The following SERTM2 variants were observed in gnomAD, a reference collection of about 807,000 sequenced individuals.
SERTM2 encodes the protein serine-rich and transmembrane domain-containing protein 2.
Position 111,511,844 on chromosome X carries a change from A to G in SERTM2, c.-881+10A>G, listed in dbSNP as rs1317364466. 6 of 274,839 alleles carry G rather than the reference A, an allele frequency of 2.2e-5. No homozygotes were observed. The highest frequency in any genetic ancestry group is 8.3e-5 in the African/African-American group (3 of 36,063). 22.6% of individuals were successfully genotyped at this position (274,839 alleles called of 1,213,427 possible). ...GCTGCACTCTGAAGCTGTAAGTGGTAACTGACATTTTAAGTAACATTTTAA... is the reference window on the plus strand; with the variant it reads ...GCTGCACTCTGAAGCTGTAAGTGGTGACTGACATTTTAAGTAACATTTTAA... On this transcript the variant is annotated intron_variant, in intron 1 of 2. Coordinates refer to ENST00000569275, the MANE Select transcript of SERTM2 (RefSeq NM_001354473.2).
chrX:111,514,510 A>T (rs1930277040), intron 2 of SERTM2, among the ~76,000 whole-genome samples: 1 of 112,011 alleles, frequency 8.9e-6, no homozygotes, highest in Non-Finnish European at 1.9e-5. Context: ...TAAATCTTGA[A>T]GAATTGTAGT....
intron 2 of SERTM2, among the ~76,000 whole-genome samples, chrX:111,512,423 GAAGGT>G (rs1930243759): frequency 1.8e-5 from 2 of 112,066 alleles, no homozygotes. Context: ...TTGTTCCACT[GAAGGT>G]TTTCCTTAAC....
At chrX:111,514,908 T>A in intron 2 of SERTM2, among the ~76,000 whole-genome samples, 1 of 110,713 alleles carries the variant, frequency 9.0e-6, no homozygotes, top group Non-Finnish European at 1.9e-5. Flanking sequence ...TGTGTGTGTG[T>A]GTAAATAAAA....
At chrX:111,512,572 A>G (rs1456516147) in intron 2 of SERTM2, among the ~76,000 whole-genome samples, 1 of 111,672 alleles carries the variant, frequency 9.0e-6, no homozygotes, top group Non-Finnish European at 1.9e-5. Context: ...CACCCTGAGA[A>G]CCAAACAGAG....
At chrX:111,512,751 T>C (rs764319613) in intron 2 of SERTM2, among the ~76,000 whole-genome samples, 14 of 111,838 alleles carry the variant, frequency 1.3e-4, no homozygotes, top group Non-Finnish European at 2.3e-4. Flanking sequence ...CTCTCGGGCT[T>C]GATTGATGCA....
chrX:111,514,191 C>G (rs1177235381), intron 2 of SERTM2, among the ~76,000 whole-genome samples: 1 of 111,270 alleles, frequency 9.0e-6, no homozygotes, highest in East Asian at 2.8e-4. Flanking sequence ...AAGTTATATT[C>G]TTCTCCAAGC....
intron 2 of SERTM2, among the ~76,000 whole-genome samples, chrX:111,512,385 G>T (rs1404920782): frequency 8.9e-6 from 1 of 112,051 alleles, no homozygotes; most frequent in South Asian, 3.7e-4. Flanking sequence ...GCTGATATCA[G>T]TTGATAGTTT....
intron 2 of SERTM2, among the ~76,000 whole-genome samples, chrX:111,516,320 T>G (rs6567965): frequency 0.19 from 20,284 of 107,670 alleles, 4,720 homozygotes; most frequent in African/African-American, 0.65. Context: ...GTTACTGGAG[T>G]TTAGGACTTC....
chrX:111,512,223 C>T (rs753477486), intron 2 of SERTM2, 129 bp downstream of exon 2: 4 of 280,289 alleles, frequency 1.4e-5, no homozygotes, highest in Non-Finnish European at 2.5e-5. Context: ...CTTGAGCGAG[C>T]TTATTACTTA....
At chrX:111,515,923 G>A (rs1215895641) in intron 2 of SERTM2, among the ~76,000 whole-genome samples, 1 of 110,502 alleles carries the variant, frequency 9.0e-6, no homozygotes, top group East Asian at 2.9e-4. Context: ...AAAACACTAG[G>A]GTTTCAGGGT....
intron 2 of SERTM2, among the ~76,000 whole-genome samples, chrX:111,513,067 C>A (rs923249652): frequency 1.0e-5 from 1 of 98,018 alleles, no homozygotes; most frequent in Non-Finnish European, 1.9e-5. Flanking sequence ...AGTTATTAAA[C>A]ACTTTCTCTT....
At position 111,515,609 on chromosome X, in the gene SERTM2, A is replaced by G. The variant is rs747397669; in HGVS notation, c.-783-2466A>G. ...CAATACAGATGTTCATGCCCCATAC[A>G]GAGCTACTGAATCAGAAACCCTGAA... is the stretch of plus-strand genomic sequence containing the variant. On this transcript the variant is annotated intron_variant, in intron 2 of 2. Transcript: ENST00000569275. Among the ~76,000 whole-genome samples, 13 of 111,734 alleles carry G rather than the reference A, an allele frequency of 1.2e-4. No homozygotes were observed. In the South Asian group the frequency reaches 4.1e-3, roughly 36 times the overall value.
intron 2 of SERTM2, among the ~76,000 whole-genome samples, chrX:111,512,585 C>G (rs1180953201): frequency 9.0e-6 from 1 of 111,493 alleles, no homozygotes; most frequent in African/African-American, 3.3e-5. Context: ...AAACAGAGAT[C>G]AGGGTACACT....
chrX:111,517,732 T>C (rs1178944319), intron 2 of SERTM2, among the ~76,000 whole-genome samples: 2 of 108,881 alleles, frequency 1.8e-5, no homozygotes, highest in African/African-American at 6.6e-5. Flanking sequence ...TCTGAATCTC[T>C]AGAGTGGTGC....
chrX:111,517,563 T>C (rs904029847), intron 2 of SERTM2, among the ~76,000 whole-genome samples: 3 of 111,642 alleles, frequency 2.7e-5, no homozygotes, highest in African/African-American at 9.8e-5. Flanking sequence ...AACCTTCTTT[T>C]TGTGGGCAAA....
rs1930362002 is a variant in SERTM2 at position 111,518,790 on chromosome X, G to A, written c.-68G>A. 1 of 295,145 alleles carries A rather than the reference G, an allele frequency of 3.4e-6. No individual in the cohort carries two copies. Among genetic ancestry groups the A allele is most frequent in the Admixed American group, 6.2e-5 (1 of 16,081 alleles). The allele number at this position is 295,145 out of a possible 1,213,427, so 24.3% of individuals were successfully genotyped here. On this transcript the variant is annotated 5_prime_UTR_variant, in exon 3 of 3. It adds an upstream start codon to the 5' untranslated region. Transcript: ENST00000569275. ...TCCAATAGATTTAGAGACAGTCTAA[G>A]TGACTGTGAAATGCCTCAAGGGCAG...
At chrX:111,517,384 C>T (rs973978600) in intron 2 of SERTM2, among the ~76,000 whole-genome samples, 2 of 111,263 alleles carry the variant, frequency 1.8e-5, no homozygotes, top group Non-Finnish European at 3.8e-5. Context: ...GTCCTGGCTG[C>T]GCTTTGAAGT....
chrX:111,513,274 C>T (rs377143941), intron 2 of SERTM2, among the ~76,000 whole-genome samples: 6 of 109,953 alleles, frequency 5.5e-5, no homozygotes, highest in African/African-American at 2.0e-4. Context: ...CCTCTATCTT[C>T]CTTTCTTTCT....
rs1930350772 is a variant in SERTM2 at position 111,518,275 on chromosome X, A to AGT, written c.-583_-582insGT. ...TTACAAGCTGTGCAGCTGGGCAGGA[A>AGT]CCTTACAATCTCCATCCTTAGGGAA... On this transcript the variant is annotated 5_prime_UTR_variant, in exon 3 of 3. Transcript: ENST00000569275. 1 of 111,447 alleles carries AGT rather than the reference A, an allele frequency of 9.0e-6. No individual in the cohort carries two copies. The highest frequency in any genetic ancestry group is 1.9e-5 in the Non-Finnish European group (1 of 53,084). 9.2% of individuals were successfully genotyped at this position (111,447 alleles called of 1,213,427 possible).
Sources: gnomAD v4.1 joint callset for allele counts (sites outside exome capture counted in the v4.1 genomes callset) on GRCh38, gnomAD v4.1.1 for gene constraint, MANE v1.5 for transcripts, NCBI Gene and HGNC (gene_info 2026-07-23, HGNC 2026-07-21) for gene names.